The following BCAS3 variants were observed in gnomAD, a reference collection of about 807,000 sequenced individuals.
BCAS3 encodes BCAS4/BCAS3 fusion.
In BCAS3, 53 loss-of-function variants were observed where a neutral mutation model predicts 116.1. That is an observed-to-expected ratio of 0.46 (90% CI 0.37 to 0.57). The LOEUF (loss-of-function observed/expected upper bound fraction) is 0.57, where lower values mean the gene tolerates loss of function less well. Ranked by LOEUF, BCAS3 falls within the 20% of genes least tolerant of loss-of-function variation. The pLI is 0.00. For missense variants in BCAS3, 917 were observed against 1,165.4 expected (o/e 0.79, Z 3.10); for synonymous variants, 391 against 408.2 (o/e 0.96, Z 0.51).
At chr17:60,709,054 A>C (rs1349991270) in intron 4 of BCAS3, among the ~76,000 whole-genome samples, 165 bp from the exon 5 acceptor site, 1 of 152,222 alleles carries the variant, frequency 6.6e-6, no homozygotes, top group East Asian at 1.9e-4. Context: ...ATAAGGAAAT[A>C]GATAGCCAGG....
At chr17:60,854,360 C>A (rs997104212) in intron 7 of BCAS3, among the ~76,000 whole-genome samples, 1 of 152,076 alleles carries the variant, frequency 6.6e-6, no homozygotes, top group African/African-American at 2.4e-5. Flanking sequence ...AATGAACATA[C>A]GTGTGCATGT....
intron 7 of BCAS3, among the ~76,000 whole-genome samples, chr17:60,822,266 T>G (rs1568325023): frequency 6.6e-6 from 1 of 152,240 alleles, no homozygotes; most frequent in Non-Finnish European, 1.5e-5. Context: ...TCTATTTTAT[T>G]AAGTCTTTTT....
chr17:61,094,575 C>T (rs998420896), intron 22 of BCAS3, among the ~76,000 whole-genome samples: 22 of 152,306 alleles, frequency 1.4e-4, no homozygotes, highest in Middle Eastern at 6.8e-3. Context: ...CGGCCGGACA[C>T]GATGGCACAC....
chr17:60,684,495 T>C (rs531111803), intron 3 of BCAS3, among the ~76,000 whole-genome samples: 7 of 152,216 alleles, frequency 4.6e-5, no homozygotes, highest in African/African-American at 1.7e-4. Context: ...GATAAAAGAT[T>C]AAGTCTTTTA....
intron 12 of BCAS3, among the ~76,000 whole-genome samples, chr17:60,913,866 A>AT (rs905876993): frequency 1.3e-5 from 2 of 152,142 alleles, no homozygotes; most frequent in African/African-American, 4.8e-5. Context: ...CTTTGCATCC[A>AT]TTTTTATCTG....
intron 7 of BCAS3, among the ~76,000 whole-genome samples, chr17:60,816,210 A>G (rs537614832): frequency 2.0e-5 from 3 of 151,764 alleles, no homozygotes; most frequent in South Asian, 4.2e-4. Flanking sequence ...AATACTGCCT[A>G]TTAAATTATT....
At chr17:60,777,969 CA>C (rs2045466150) in intron 6 of BCAS3, among the ~76,000 whole-genome samples, 1 of 152,144 alleles carries the variant, frequency 6.6e-6, no homozygotes, top group Non-Finnish European at 1.5e-5. Context: ...TAAAAATGAA[CA>C]TATTTTTATG....
At chr17:60,763,969 C>T (rs2043818166) in intron 6 of BCAS3, among the ~76,000 whole-genome samples, 1 of 152,072 alleles carries the variant, frequency 6.6e-6, no homozygotes, top group Non-Finnish European at 1.5e-5. Flanking sequence ...TCTAGATTTT[C>T]TAGTTTATTT....
chr17:61,051,243 T>G lies in BCAS3; in HGVS notation c.2029+10351T>G, dbSNP rs966167004. On this transcript the variant is annotated intron_variant, in intron 19 of 23. Coordinates refer to ENST00000407086, the MANE Select transcript of BCAS3 (RefSeq NM_017679.5). This position sits in a 1 kb window ranked among gnomAD's most constrained non-coding sequence, Gnocchi z 4.1. Reference sequence around the variant, plus strand: ...TTTCATTTATATAACATTCTCAAAATGACAAAATTATAGAGATAGATAATA... The same window carrying G: ...TTTCATTTATATAACATTCTCAAAAGGACAAAATTATAGAGATAGATAATA... Among the ~76,000 whole-genome samples, 1 of 152,002 alleles carries G rather than the reference T, an allele frequency of 6.6e-6. No homozygotes were observed. Among genetic ancestry groups the G allele is most frequent in the Non-Finnish European group, 1.5e-5 (1 of 67,958 alleles).
At chr17:61,193,080 G>GGCCA (rs2080246102) in intron 22 of BCAS3, among the ~76,000 whole-genome samples, 1 of 152,052 alleles carries the variant, frequency 6.6e-6, no homozygotes, top group South Asian at 2.1e-4. Context: ...TGGCCAACGT[G>GGCCA]GCAAAACCCC....
chr17:61,152,225 C>T (rs910260261), intron 22 of BCAS3, among the ~76,000 whole-genome samples: 8 of 152,134 alleles, frequency 5.3e-5, no homozygotes, highest in African/African-American at 1.9e-4. Flanking sequence ...GGGTGGCCAG[C>T]TTTTATTCCC....
intron 7 of BCAS3, among the ~76,000 whole-genome samples, chr17:60,841,480 C>T (rs8069486): frequency 0.063 from 9,439 of 149,554 alleles, 987 homozygotes; most frequent in African/African-American, 0.22. Context: ...CCTGGGTTCA[C>T]GCCATTCTCC....
At chr17:61,120,564 C>A (rs1469545202) in intron 22 of BCAS3, among the ~76,000 whole-genome samples, 1 of 151,916 alleles carries the variant, frequency 6.6e-6, no homozygotes, top group Non-Finnish European at 1.5e-5. Flanking sequence ...CTGATGTATC[C>A]CTGAAAATCA....
rs1209758593 is a variant in BCAS3, at chr17:61,203,507, A to G, written c.2425+118943A>G. 6.6e-6 allele frequency among the ~76,000 whole-genome samples: 1 copy of G among 152,094 alleles called. No homozygotes were observed. The highest frequency in any genetic ancestry group is 6.6e-5 in the Admixed American group (1 of 15,266). ...CTGATTTCTGGGGGATAAGAGGGGA[A>G]CCAAAAAGATAGTTTATGAAGAACT... is the stretch of plus-strand genomic sequence containing the variant. On this transcript the variant is annotated intron_variant, in intron 22 of 23. Coordinates refer to ENST00000407086, the MANE Select transcript of BCAS3 (RefSeq NM_017679.5). The surrounding 1 kb of genome is among the most constrained non-coding windows in gnomAD (Gnocchi z 5.7).
At chr17:61,197,747 C>T (rs932782595) in intron 22 of BCAS3, among the ~76,000 whole-genome samples, 4 of 152,322 alleles carry the variant, frequency 2.6e-5, no homozygotes, top group East Asian at 1.9e-4. Flanking sequence ...TAAAGACCCT[C>T]GGGAGACCTG....
chr17:61,308,930 C>T (rs1347781103), intron 22 of BCAS3, among the ~76,000 whole-genome samples: 1 of 152,130 alleles, frequency 6.6e-6, no homozygotes, highest in African/African-American at 2.4e-5. Context: ...ATTATACTTA[C>T]AAAGTTTATG....
chr17:60,752,682 T>C (rs1467733703), intron 6 of BCAS3, among the ~76,000 whole-genome samples: 1 of 151,996 alleles, frequency 6.6e-6, no homozygotes, highest in Non-Finnish European at 1.5e-5. Flanking sequence ...CTCGGCCTTG[T>C]GTATTTCAAT....
intron 8 of BCAS3, among the ~76,000 whole-genome samples, chr17:60,869,447 G>C (rs1436842440): frequency 6.6e-6 from 1 of 152,084 alleles, no homozygotes; most frequent in African/African-American, 2.4e-5. Flanking sequence ...AAAATAAATT[G>C]TTTTCTGCCA....
At chr17:61,062,788 T>C (rs1032221334) in intron 19 of BCAS3, among the ~76,000 whole-genome samples, 6 of 152,238 alleles carry the variant, frequency 3.9e-5, no homozygotes, top group African/African-American at 1.4e-4. Flanking sequence ...GTCAATGCTG[T>C]CTTTTTTACA....
Sources: gnomAD v4.1 joint callset for allele counts (sites outside exome capture counted in the v4.1 genomes callset) on GRCh38, gnomAD v4.1.1 for gene constraint, Gnocchi (gnomAD v3.1) non-coding constraint, MANE v1.5 for transcripts, NCBI Gene and HGNC (gene_info 2026-07-23, HGNC 2026-07-21) for gene names.